The following RYR1 variants were observed in gnomAD, a reference collection of about 807,000 sequenced individuals.
RYR1 encodes ryanodine receptor 1, also known as central core disease of muscle.
RYR1 carries 342 observed loss-of-function variants against 583.5 expected under a neutral mutation model. That is an observed-to-expected ratio of 0.59 (90% CI 0.54 to 0.64). The LOEUF (loss-of-function observed/expected upper bound fraction) is 0.64, where lower values mean the gene tolerates loss of function less well. RYR1 is among the 30% of genes least tolerant of loss of function. The probability of loss-of-function intolerance (pLI) is 0.00; values close to 1 mark genes in which losing one functional copy is unlikely to be tolerated. For synonymous variants in RYR1, 2,791 were observed against 2,822.5 expected, an observed-to-expected ratio of 0.99 and a Z score of 0.35; for missense variants, 6,032 against 6,917.2, an observed-to-expected ratio of 0.87 and a Z score of 4.54.
chr19:38,552,718 A>G (rs1972717016), intron 89 of RYR1, among the ~76,000 whole-genome samples: 1 of 152,130 alleles, frequency 6.6e-6, no homozygotes, highest in African/African-American at 2.4e-5. Context: ...AATCTGGTCT[A>G]ATCGATAGTC....
At chr19:38,438,247 C>A (rs563799014) in intron 1 of RYR1, among the ~76,000 whole-genome samples, 1 of 151,928 alleles carries the variant, frequency 6.6e-6, no homozygotes, top group Non-Finnish European at 1.5e-5. Flanking sequence ...CTGATCTCAT[C>A]CCCATCCTAA....
chr19:38,500,058 C>G lies in RYR1; in HGVS notation c.7323+42C>G. 6.3e-7 allele frequency: 1 copy of G among 1,578,448 alleles called. No individual in the cohort carries two copies. The highest frequency in any genetic ancestry group is 8.7e-7 in the Non-Finnish European group (1 of 1,149,248). On this transcript the variant is annotated intron_variant, in intron 45 of 105. Transcript: ENST00000359596. The surrounding 1 kb of genome is among the most constrained non-coding windows in gnomAD (Gnocchi z 5.9). The stretch of plus-strand genomic sequence containing the variant: ...GGGCAGGATGGGAAGGGAGGGCAGG[C>G]ACAGCCGCTTTGAACGCCTCATGCA...
intron 38 of RYR1, among the ~76,000 whole-genome samples, chr19:38,493,623 G>A (rs1969661888): frequency 6.6e-6 from 1 of 151,156 alleles, no homozygotes; most frequent in Non-Finnish European, 1.5e-5. Context: ...GGGTTCAAGC[G>A]ATTCTCCTGC....
rs549607443 is a variant in RYR1, at chr19:38,581,222, C to T, written c.14646+718C>T. Reference sequence around the variant, plus strand: ...CCTCCCGAGTAGCTGGGACAACAGGCGCCCGCCACCACGCCTGGCAAATTT... The same window carrying T: ...CCTCCCGAGTAGCTGGGACAACAGGTGCCCGCCACCACGCCTGGCAAATTT... On this transcript the variant is annotated intron_variant, in intron 101 of 105. Coordinates refer to ENST00000359596, the MANE Select transcript of RYR1 (RefSeq NM_000540.3). Among the ~76,000 whole-genome samples, 13 of 152,196 alleles carry T rather than the reference C, an allele frequency of 8.5e-5. No homozygotes were observed. In the South Asian group the frequency reaches 1.0e-3, roughly 12 times the overall value.
chr19:38,470,231 G>GAC (rs1249268916), intron 27 of RYR1, among the ~76,000 whole-genome samples: 1 of 151,396 alleles, frequency 6.6e-6, no homozygotes, highest in Non-Finnish European at 1.5e-5. Context: ...TAGCCTAAGA[G>GAC]ACAGAGCAAG....
chr19:38,543,594 G>C lies in RYR1; in HGVS notation c.11841G>C (p.Lys3947Asn). 6.2e-7 allele frequency: 1 copy of C among 1,614,176 alleles called. No homozygotes were observed. The highest frequency in any genetic ancestry group is 1.1e-5 in the South Asian group (1 of 91,080). Residue 3947 changes from lysine (K) to asparagine (N), a missense_variant, in exon 86 of 106, where the codon AAG (lysine) becomes AAC (asparagine). Physicochemically the swap from Lys to Asn is moderately conservative, Grantham distance 94. Around this residue, in one of 11 missense-constraint regions of RYR1, gnomAD observed 82 missense variants for 139.7 expected, o/e 0.59. Transcript: ENST00000359596. The surrounding 1 kb of genome is among the most constrained non-coding windows in gnomAD (Gnocchi z 4.4). ...AGGATGTCATTGAAGAGCAGGGCAA[G>C]AGGAACTTCTCCAAAGCCATGTCGG... Reference protein sequence around the residue: ...SGKDVIEEQGKRNFSKAMSVA... With the variant: ...SGKDVIEEQGNRNFSKAMSVA...
At chr19:38,577,625 C>T (rs1027083193) in intron 97 of RYR1, among the ~76,000 whole-genome samples, 3 of 151,950 alleles carry the variant, frequency 2.0e-5, no homozygotes, top group Non-Finnish European at 4.4e-5. Flanking sequence ...AGAGAAACCC[C>T]GTCCCTACTA....
rs1362498385 is a variant in RYR1, at chr19:38,505,792, C to G, written c.8401-14C>G. 1 of 1,614,078 alleles carries G rather than the reference C, an allele frequency of 6.2e-7. No homozygotes were observed. Among genetic ancestry groups the G allele is most frequent in the East Asian group, 2.2e-5 (1 of 44,870 alleles). ...TCCCATTCCACCAACTCCCCACCCT[C>G]CTGTCCACCCCAGGACAAAGAGATT... On this transcript the variant is annotated splice_polypyrimidine_tract_variant and intron_variant, in intron 53 of 105. Coordinates refer to ENST00000359596, the MANE Select transcript of RYR1 (RefSeq NM_000540.3).
At position 38,529,065 on chromosome 19, in the gene RYR1, C is replaced by T; in HGVS notation, c.11141+8C>T. On this transcript the variant is annotated splice_region_variant and intron_variant, in intron 76 of 105. Transcript: ENST00000359596. ...TGCCCTGACGGAAAAGAGGTGAAGA[C>T]TCTTGCCAGGGCCCCAGAAATGCCC... 2 of 1,613,232 alleles carry T rather than the reference C, an allele frequency of 1.2e-6. No individual in the cohort carries two copies. Among genetic ancestry groups the T allele is most frequent in the Non-Finnish European group, 1.7e-6 (2 of 1,179,880 alleles).
intron 38 of RYR1, 140 bp downstream of exon 38, chr19:38,492,776 G>T: frequency 2.2e-6 from 2 of 898,884 alleles, no homozygotes; most frequent in Non-Finnish European, 1.7e-6. Flanking sequence ...GAAGAGTGGC[G>T]GGCAAAGTGG....
At chr19:38,440,920 T>A (rs1263048769) in intron 2 of RYR1, 56 bp downstream of exon 2, 11 of 1,577,338 alleles carry the variant, frequency 7.0e-6, no homozygotes, top group Non-Finnish European at 9.5e-6. Context: ...GGGCAGAGAA[T>A]CTTGGGTCCA....
chr19:38,517,474 G>A lies in RYR1; in HGVS notation c.9801G>A (p.Pro3267=), dbSNP rs138263729. 76 of 1,614,076 alleles carry A rather than the reference G, an allele frequency of 4.7e-5. No individual in the cohort carries two copies. The highest frequency in any genetic ancestry group is 1.2e-4 in the South Asian group (11 of 91,086). The change falls in exon 66 of 106, where the codon CCG becomes CCA. Residue 3267 remains proline (P), a synonymous_variant. Coordinates refer to ENST00000359596, the MANE Select transcript of RYR1 (RefSeq NM_000540.3). ...AESGARYTEM[P]HVIEITLPML... ...CAGGTGCCCGCTACACAGAGATGCC[G>A]CATGTCATCGAGATCACGCTGCCCA...
chr19:38,551,826 T>C (rs1972679317), intron 89 of RYR1, among the ~76,000 whole-genome samples: 1 of 152,192 alleles, frequency 6.6e-6, no homozygotes, highest in Non-Finnish European at 1.5e-5. Flanking sequence ...TACCCTTCAC[T>C]GTGCCTGAGC....
chr19:38,516,066 A>G (rs1258239213), intron 64 of RYR1, 21 bp from the exon 65 acceptor site: 2 of 1,544,608 alleles, frequency 1.3e-6, no homozygotes, highest in Admixed American at 3.9e-5. Context: ...CGTGGCAGCT[A>G]AACACAGCCC....
intron 42 of RYR1, among the ~76,000 whole-genome samples, chr19:38,498,499 C>A (rs776831533): frequency 6.6e-6 from 1 of 152,022 alleles, no homozygotes; most frequent in Admixed American, 6.6e-5. Flanking sequence ...CAGGGCAACT[C>A]CATAGAGTAA....
rs757263601 is a variant in RYR1 at position 38,511,640 on chromosome 19, C to G, written c.9172+30C>G. 1.9e-6 allele frequency: 3 copies of G among 1,612,106 alleles called. No homozygotes were observed. In the South Asian group the frequency reaches 3.3e-5, roughly 18 times the overall value. On this transcript the variant is annotated intron_variant, in intron 61 of 105. Transcript: ENST00000359596. ...GTGGCTCCACACCTTCGGTCTTCCTCCCTAATCTTTCTCTTCCCCACCCTG... is the reference window on the plus strand; with the variant it reads ...GTGGCTCCACACCTTCGGTCTTCCTGCCTAATCTTTCTCTTCCCCACCCTG...
At chr19:38,522,852 A>T (rs536981727) in intron 67 of RYR1, among the ~76,000 whole-genome samples, 176 bp from the exon 68 acceptor site, 2 of 149,816 alleles carry the variant, frequency 1.3e-5, no homozygotes, top group Non-Finnish European at 1.5e-5. Context: ...CGGGAGGCTG[A>T]GACAGAGAAA....
intron 11 of RYR1, among the ~76,000 whole-genome samples, chr19:38,450,108 A>T (rs1967000247): frequency 6.6e-6 from 1 of 152,170 alleles, no homozygotes; most frequent in South Asian, 2.1e-4. Flanking sequence ...CTGACGCAGG[A>T]TCACAGAATT....
rs146188106 is a variant in RYR1 at position 38,467,642 on chromosome 19, G to A, written c.3211G>A (p.Val1071Met). Residue 1071 changes from valine (V) to methionine (M), a missense_variant, in exon 25 of 106, where the codon GTG becomes ATG. By Grantham distance (21) the Val-to-Met change is conservative (BLOSUM62 1). Around this residue, in one of 11 missense-constraint regions of RYR1, gnomAD observed 2,627 missense variants for 2,961.3 expected, o/e 0.89. Coordinates refer to ENST00000359596, the MANE Select transcript of RYR1 (RefSeq NM_000540.3). The part of the protein sequence containing the change: ...QVENQSRCDR[V>M]RIFRAEKSYT... ...GGAGAACCAGTCTCGTTGTGACCGG[G>A]TGCGCATCTTCCGGGCAGAGAAATC... 1.2e-6 allele frequency: 2 copies of A among 1,614,228 alleles called. No individual in the cohort carries two copies. The highest frequency in any genetic ancestry group is 1.7e-6 in the Non-Finnish European group (2 of 1,180,052).
Sources: gnomAD v4.1 joint callset for allele counts (sites outside exome capture counted in the v4.1 genomes callset) on GRCh38, gnomAD v4.1.1 for gene constraint, gnomAD v4.1.1 regional missense constraint, Gnocchi (gnomAD v3.1) non-coding constraint, MANE v1.5 for transcripts, NCBI Gene and HGNC (gene_info 2026-07-23, HGNC 2026-07-21) for gene names.